Variants in VIPR2 observed in about 807,000 individuals in gnomAD.
The protein encoded by VIPR2 is vasoactive intestinal peptide receptor 2.
VIPR2 carries 48 observed loss-of-function variants against 58.0 expected under a neutral mutation model. That is an observed-to-expected ratio of 0.83 (90% confidence interval 0.66 to 1.05). The LOEUF (loss-of-function observed/expected upper bound fraction) is 1.05. Ranked by LOEUF, VIPR2 falls within the 50% of genes least tolerant of loss-of-function variation. The pLI is 0.00. For missense variants in VIPR2, 534 were observed against 558.0 expected (o/e 0.96, Z 0.43); for synonymous variants, 243 against 235.2 (o/e 1.03, Z -0.30).
chr7:159,035,245 C>T (rs1046166562), intron 8 of VIPR2, among the ~76,000 whole-genome samples: 19 of 152,248 alleles, frequency 1.2e-4, no homozygotes, highest in South Asian at 4.1e-4. Context: ...TGCTTTCCCT[C>T]GGGGGCCGAG....
chr7:159,129,154 T>TG (rs1400345431), intron 2 of VIPR2, among the ~76,000 whole-genome samples: 1 of 57,180 alleles, frequency 1.7e-5, no homozygotes, highest in African/African-American at 8.3e-5. Flanking sequence ...GGGACAGGGC[T>TG]GGGGGGACAG....
intron 2 of VIPR2, among the ~76,000 whole-genome samples, chr7:159,125,666 T>C (rs3793240): frequency 0.15 from 22,620 of 152,188 alleles, 2,491 homozygotes; most frequent in African/African-American, 0.31. Context: ...GCAGTTATGA[T>C]TGGCAGCAGT....
chr7:159,135,994 T>C (rs1314162009), intron 2 of VIPR2, among the ~76,000 whole-genome samples: 1 of 152,126 alleles, frequency 6.6e-6, no homozygotes, highest in Non-Finnish European at 1.5e-5. Flanking sequence ...TCTACAAAGC[T>C]TTGTGACCAA....
At chr7:159,042,999 CA>C in intron 6 of VIPR2, 35 bp downstream of exon 6, 1 of 1,607,136 alleles carries the variant, frequency 6.2e-7, no homozygotes, top group Non-Finnish European at 8.5e-7. Flanking sequence ...GATAAAGGGA[CA>C]AGACAGTGGG....
intron 4 of VIPR2, among the ~76,000 whole-genome samples, chr7:159,090,048 C>T (rs1352869742): frequency 1.3e-5 from 2 of 150,450 alleles, no homozygotes; most frequent in Admixed American, 6.6e-5. Context: ...CCATCACAAT[C>T]CCCGGTGACC....
chr7:159,127,466 T>C lies in VIPR2; in HGVS notation c.151+14980A>G, dbSNP rs1393072595. ...AACGTTTATAGGTCCAGATAGAACC[T>C]ATGAATTTTTAAGAATGTGCTGAAT... On this transcript the variant is annotated intron_variant, in intron 2 of 12. Transcript: ENST00000262178. This position sits in a 1 kb window ranked among gnomAD's most constrained non-coding sequence, Gnocchi z 4.6. Among the ~76,000 whole-genome samples the C allele has an allele frequency of 6.6e-6, 1 of 152,202 alleles. No individual in the cohort carries two copies. The highest frequency in any genetic ancestry group is 1.5e-5 in the Non-Finnish European group (1 of 68,034).
In VIPR2 at chr7:159,063,863, CGGGGGTCCTGGTGGGGTCT is replaced by C. The variant is rs1284592234; in HGVS notation, c.358-5304_358-5286del. ...GGGGTCTGGGGGGCCTGGTGGGTTCCGGGGGTCCTGGTGGGGTCTGGGGGTCCTGGGGGGATCTGGGGTT... is the reference window on the plus strand; with the variant it reads ...GGGGTCTGGGGGGCCTGGTGGGTTCCGGGGGTCCTGGGGGGATCTGGGGTT... On this transcript the variant is annotated intron_variant, in intron 4 of 12. Coordinates refer to ENST00000262178, the MANE Select transcript of VIPR2 (RefSeq NM_003382.5). Among the ~76,000 whole-genome samples, 241 of 24,688 alleles carry C rather than the reference CGGGGGTCCTGGTGGGGTCT, an allele frequency of 9.8e-3. 8 individuals carry two copies. The highest frequency in any genetic ancestry group is 0.039 in the African/African-American group (226 of 5,774). The allele number at this position is 24,688 out of a possible 152,430, so 16.2% of individuals were successfully genotyped here.
intron 3 of VIPR2, among the ~76,000 whole-genome samples, chr7:159,109,457 G>T (rs3793231): frequency 6.6e-6 from 1 of 152,076 alleles, no homozygotes; most frequent in East Asian, 1.9e-4. Context: ...TCCAGAGTGT[G>T]CTCTCTGGGG....
intron 4 of VIPR2, among the ~76,000 whole-genome samples, chr7:159,091,938 C>T (rs988997964): frequency 6.6e-6 from 1 of 152,214 alleles, no homozygotes; most frequent in Admixed American, 6.5e-5. Flanking sequence ...ACTAAAAATA[C>T]AAAAATTGGC....
chr7:159,116,361 G>T (rs1796237461), intron 2 of VIPR2, among the ~76,000 whole-genome samples: 1 of 152,192 alleles, frequency 6.6e-6, no homozygotes, highest in Non-Finnish European at 1.5e-5. Context: ...AGTCACATGG[G>T]CCCTCCAGAG....
chr7:159,034,342 G>A, intron 9 of VIPR2, 38 bp from the exon 10 acceptor site: 1 of 1,600,502 alleles, frequency 6.2e-7, no homozygotes, highest in Non-Finnish European at 8.5e-7. Flanking sequence ...ACAGACACGT[G>A]GATCCCTAAT....
chr7:159,131,122 A>G (rs1423205974), intron 2 of VIPR2, among the ~76,000 whole-genome samples: 1 of 152,160 alleles, frequency 6.6e-6, no homozygotes, highest in Non-Finnish European at 1.5e-5. Context: ...TGGAACGAGG[A>G]GGGGTCATCA....
rs552379524 is a variant in VIPR2 at position 159,030,641 on chromosome 7, A to T, written c.1292T>A (p.Leu431Gln). Residue 431 changes from leucine to glutamine, a missense_variant, in exon 13 of 13, where the codon CTG becomes CAG. Coordinates refer to ENST00000262178, the MANE Select transcript of VIPR2 (RefSeq NM_003382.5). ...CTAGATGACCGAGGTCTCCGTTTGCAGGAAGGACTGGGCGCGGGAGCCGCG... is the reference window on the plus strand; with the variant it reads ...CTAGATGACCGAGGTCTCCGTTTGCTGGAAGGACTGGGCGCGGGAGCCGCG... ...FHRGSRAQSF[L>Q]QTETSVI is the part of the protein sequence containing the mutation. The T allele has an allele frequency of 2.6e-6, 4 of 1,554,226 alleles. No homozygotes were observed. The highest frequency in any genetic ancestry group is 1.4e-5 in the African/African-American group (1 of 73,410).
chr7:159,068,283 A>C (rs1447665863), intron 4 of VIPR2, among the ~76,000 whole-genome samples: 1 of 152,178 alleles, frequency 6.6e-6, no homozygotes, highest in Non-Finnish European at 1.5e-5. Flanking sequence ...TTTTAAAAAA[A>C]CAGCCCCTCT....
At chr7:159,055,868 C>G (rs1023684259) in intron 5 of VIPR2, among the ~76,000 whole-genome samples, 2 of 152,188 alleles carry the variant, frequency 1.3e-5, no homozygotes, top group African/African-American at 4.8e-5. Context: ...TTCACTTCCA[C>G]GTATGGATCT....
rs1331096899 is a variant in VIPR2 at position 159,029,798 on chromosome 7, C to G, written c.*818G>C. On this transcript the variant is annotated 3_prime_UTR_variant, in exon 13 of 13. Coordinates refer to ENST00000262178, the MANE Select transcript of VIPR2 (RefSeq NM_003382.5). The stretch of plus-strand genomic sequence containing the variant: ...CCTTCCGTGGGGAGGCAAAACAGCC[C>G]TGTGGAGTTGGGTGGGGCAGGGCTC... The G allele has an allele frequency of 2.0e-5, 3 of 152,562 alleles. No individual in the cohort carries two copies. Among genetic ancestry groups the G allele is most frequent in the African/African-American group, 7.2e-5 (3 of 41,474 alleles). The allele number at this position is 152,562 out of a possible 1,614,324, so 9.5% of individuals were successfully genotyped here.
chr7:159,076,898 T>A (rs896449659), intron 4 of VIPR2, among the ~76,000 whole-genome samples: 2 of 152,374 alleles, frequency 1.3e-5, no homozygotes, highest in Non-Finnish European at 2.9e-5. Flanking sequence ...AGTTAAGTTA[T>A]CTCCATTTTA....
intron 4 of VIPR2, among the ~76,000 whole-genome samples, chr7:159,101,762 G>C (rs1291793961): frequency 7.6e-6 from 1 of 131,670 alleles, no homozygotes. Context: ...AGGCGGTTCC[G>C]ACTGTTCCTG....
At position 159,034,634 on chromosome 7, in the gene VIPR2, C is replaced by T. The variant is rs997266704; in HGVS notation, c.826G>A (p.Asp276Asn). ...ATGACCCACCAGGGCACACTGTGGT[C>T]GTTTGTATCCCAGCAACTGTCAGAG... ...LEDTGCWDTNDHSVPWWVIRI... is the reference protein window; with the variant it reads ...LEDTGCWDTNNHSVPWWVIRI... The change falls in exon 9 of 13, where the codon GAC becomes AAC. Residue 276 changes from aspartate (D) to asparagine (N), a missense_variant. This residue lies in a region of VIPR2 where 306 missense variants were observed against 285.8 expected (regional missense o/e 1.07). Transcript: ENST00000262178. 3 of 1,613,798 alleles carry T rather than the reference C, an allele frequency of 1.9e-6. No individual in the cohort carries two copies. The highest frequency in any genetic ancestry group is 1.3e-5 in the African/African-American group (1 of 74,906).
Sources: allele counts gnomAD v4.1 joint callset (sites outside exome capture counted in the v4.1 genomes callset), GRCh38; gene constraint gnomAD v4.1.1; regional missense constraint gnomAD v4.1.1; non-coding constraint Gnocchi (gnomAD v3.1); transcripts MANE v1.5; gene names NCBI Gene and HGNC (gene_info 2026-07-23, HGNC 2026-07-21).